MIAT: variants seen among roughly 807,000 people sequenced by gnomAD.
The protein encoded by MIAT is myocardial infarction associated transcript.
intron 2 of MIAT, among the ~76,000 whole-genome samples, chr22:26,658,853 C>G (rs1040614938): frequency 2.0e-5 from 3 of 152,204 alleles, no homozygotes; most frequent in African/African-American, 7.2e-5. Flanking sequence ...CGGGGCCAGG[C>G]TGGGACTGAG....
intron 2 of MIAT, among the ~76,000 whole-genome samples, chr22:26,658,016 G>T (rs1930524382): frequency 1.4e-5 from 2 of 147,604 alleles, no homozygotes; most frequent in Non-Finnish European, 1.5e-5. Context: ...GGACCTTCTC[G>T]GTCCACCAGG....
chr22:26,651,567 G>A (rs1930337254), intron 2 of MIAT, among the ~76,000 whole-genome samples: 1 of 152,056 alleles, frequency 6.6e-6, no homozygotes, highest in South Asian at 2.1e-4. Context: ...CGGAAAAGAA[G>A]GATTCAAACA....
At chr22:26,671,767 ATACC>A (rs1931055046), downstream of MIAT, 1 of 398,448 alleles carries the variant, frequency 2.5e-6, no homozygotes, top group Non-Finnish European at 4.4e-6. Flanking sequence ...GCGAGTTCTG[ATACC>A]TTACAGGTTG....
At chr22:26,669,792 G>A (rs1930979775), downstream of MIAT, 2 of 398,808 alleles carry the variant, frequency 5.0e-6, no homozygotes, top group Non-Finnish European at 8.8e-6. Flanking sequence ...GGAGTGCTTC[G>A]GAGGACATAT....
intron 2 of MIAT, among the ~76,000 whole-genome samples, chr22:26,651,287 G>A (rs915107279): frequency 3.9e-5 from 6 of 152,168 alleles, no homozygotes; most frequent in Non-Finnish European, 8.8e-5. Flanking sequence ...TGTTTGCTCA[G>A]GGGACAGCTG....
downstream of MIAT, chr22:26,673,391 C>T (rs1931136025): frequency 5.0e-6 from 2 of 398,962 alleles, no homozygotes; most frequent in South Asian, 2.5e-4. Context: ...TAATCCCTGC[C>T]TCACCCTGAC....
downstream of MIAT, chr22:26,670,056 A>ATT (rs35523695): frequency 0.016 from 5,986 of 376,862 alleles, 11 homozygotes; most frequent in Non-Finnish European, 0.02. Context: ...GGGTTTATCT[A>ATT]TTTTTTTTTT....
At chr22:26,674,653 T>A (rs147343793), downstream of MIAT, 317 of 398,696 alleles carry the variant, frequency 8.0e-4, 1 homozygote, top group African/African-American at 6.0e-3. Context: ...AAAAGATGTC[T>A]TAGAAAGAGC....
intron 2 of MIAT, among the ~76,000 whole-genome samples, chr22:26,661,916 C>CTATA (rs1930679021): frequency 4.8e-5 from 3 of 62,196 alleles, no homozygotes; most frequent in Admixed American, 2.2e-4. Flanking sequence ...CTATATAGAT[C>CTATA]CATATATATA....
intron 2 of MIAT, chr22:26,657,596 G>T: frequency 2.5e-6 from 1 of 398,728 alleles, no homozygotes; most frequent in Non-Finnish European, 4.4e-6. Flanking sequence ...CCAGTTCTGC[G>T]CTGTGAGCCG....
intron 2 of MIAT, among the ~76,000 whole-genome samples, chr22:26,656,418 G>A (rs944154688): frequency 4.0e-5 from 6 of 150,394 alleles, no homozygotes; most frequent in African/African-American, 1.5e-4. Flanking sequence ...TCCGCCTCCC[G>A]GGTTCGAGTG....
At chr22:26,655,560 T>G (rs1930413242) in intron 2 of MIAT, among the ~76,000 whole-genome samples, 1 of 152,238 alleles carries the variant, frequency 6.6e-6, no homozygotes, top group South Asian at 2.1e-4. Flanking sequence ...TTTAGCCTGA[T>G]GATGTGGATT....
chr22:26,663,552 A>G (rs1674764628), intron 3 of MIAT: 3 of 391,676 alleles, frequency 7.7e-6, no homozygotes, highest in South Asian at 2.9e-4. Flanking sequence ...CAGTTCCCCA[A>G]TCGTGGCTTT....
At chr22:26,652,451 G>A (rs972328022) in intron 2 of MIAT, among the ~76,000 whole-genome samples, 2 of 151,934 alleles carry the variant, frequency 1.3e-5, no homozygotes, top group South Asian at 2.1e-4. Context: ...TCCAACTCCC[G>A]GGTTCAAGCA....
In MIAT at chr22:26,675,340, C is replaced by T. The variant is rs532307624; in HGVS notation, n.9008C>T. On this transcript the variant is annotated non_coding_transcript_exon_variant, in exon 5 of 5. Coordinates refer to the MIAT transcript ENST00000613780. ...GAGATAGGAGACATGGACATGGTGC[C>T]GGGTCTGGTTGCCAAGAAGTTTAGA... is the stretch of plus-strand genomic sequence containing the variant. 177 of 398,646 alleles carry T rather than the reference C, an allele frequency of 4.4e-4. 1 individual carries two copies. Among genetic ancestry groups the T allele is most frequent in the African/African-American group, 2.4e-3 (117 of 48,712 alleles). The allele number at this position is 398,646 out of a possible 1,614,324, so 24.7% of individuals were successfully genotyped here. A position where few individuals can be genotyped will look rare whatever the true frequency, so the allele number is the denominator to read the frequency against.
chr22:26,672,403 C>T (rs1931082419), downstream of MIAT: 1 of 399,434 alleles, frequency 2.5e-6, no homozygotes, highest in Non-Finnish European at 4.4e-6. Context: ...ATTAACAAGA[C>T]TCAGAGGAGG....
chr22:26,675,935 A>C lies in MIAT; in HGVS notation n.9603A>C, dbSNP rs962316914. On this transcript the variant is annotated non_coding_transcript_exon_variant, in exon 5 of 5. Transcript: ENST00000613780. ...AACATAGAGATTGGCGATGGTTGTG[A>C]GATTCTAAGAGTGTGTGTGCATCTT... is the stretch of plus-strand genomic sequence containing the variant. 1.8e-5 allele frequency: 7 copies of C among 398,512 alleles called. No homozygotes were observed. In the Admixed American group the frequency reaches 2.2e-4, roughly 13 times the overall value. 24.7% of individuals were successfully genotyped at this position (398,512 alleles called of 1,614,324 possible). A position where few individuals can be genotyped will look rare whatever the true frequency, so the allele number is the denominator to read the frequency against.
chr22:26,666,292 G>A (rs919476001), exon 4 of MIAT: 6 of 398,550 alleles, frequency 1.5e-5, no homozygotes, highest in African/African-American at 1.2e-4. Flanking sequence ...GGTGACACAG[G>A]GTGGTCTTAA....
At chr22:26,669,408 C>T in exon 6 of MIAT, 1 of 398,660 alleles carries the variant, frequency 2.5e-6, no homozygotes, top group Middle Eastern at 6.3e-4. Flanking sequence ...CAGGTGGCAC[C>T]TTCTCACTAT....
Sources: gnomAD v4.1 joint callset for allele counts (sites outside exome capture counted in the v4.1 genomes callset) on GRCh38, gnomAD v4.1.1 for gene constraint, MANE v1.5 for transcripts, NCBI Gene and HGNC (gene_info 2026-07-23, HGNC 2026-07-21) for gene names.